Variants in DLC1 observed in about 807,000 individuals in gnomAD.
DLC1 encodes DLC1 Rho GTPase activating protein.
A neutral mutation model predicts 140.3 loss-of-function variants in DLC1; 54 were observed. The observed-to-expected ratio is 0.38, with a 90% confidence interval of 0.31 to 0.48. The LOEUF (loss-of-function observed/expected upper bound fraction) is 0.48. DLC1 is among the 20% of genes least tolerant of loss of function. The probability of loss-of-function intolerance (pLI) is 0.96; values close to 1 mark genes in which losing one functional copy is unlikely to be tolerated. For synonymous variants in DLC1, 986 were observed against 728.1 expected (o/e 1.35, Z -5.70); for missense variants, 2,536 against 1,907.0 (o/e 1.33, Z -6.14).
intron 5 of DLC1, among the ~76,000 whole-genome samples, chr8:13,216,491 C>A (rs1170803781): frequency 6.6e-6 from 1 of 152,176 alleles, no homozygotes; most frequent in African/African-American, 2.4e-5. Flanking sequence ...TTGCCACACT[C>A]CTCCCCAACT....
intron 2 of DLC1, among the ~76,000 whole-genome samples, chr8:13,468,274 T>A (rs62492258): frequency 0.26 from 39,140 of 151,296 alleles, 6,305 homozygotes; most frequent in Middle Eastern, 0.39. Flanking sequence ...ACCTTCTTAA[T>A]CTTTACTTCA....
chr8:13,496,804 T>C (rs1414179167), intron 2 of DLC1, among the ~76,000 whole-genome samples: 1 of 126,518 alleles, frequency 7.9e-6, no homozygotes, highest in Non-Finnish European at 1.6e-5. Flanking sequence ...TTTTTTTTTT[T>C]TTTTTTTTTT....
chr8:13,575,773 C>T (rs763921300), intron 1 of DLC1, among the ~76,000 whole-genome samples: 1 of 152,130 alleles, frequency 6.6e-6, no homozygotes, highest in East Asian at 1.9e-4. Context: ...TGTTTGAGAG[C>T]CCAGCATTGT....
chr8:13,186,616 A>C (rs1039020006), intron 5 of DLC1, among the ~76,000 whole-genome samples: 2 of 152,144 alleles, frequency 1.3e-5, no homozygotes, highest in Admixed American at 1.3e-4. Flanking sequence ...GCTCGGAGAA[A>C]TTTGTTATTA....
chr8:13,474,787 CT>C (rs1332723724), intron 2 of DLC1, among the ~76,000 whole-genome samples: 1 of 152,208 alleles, frequency 6.6e-6, no homozygotes, highest in Non-Finnish European at 1.5e-5. Flanking sequence ...CCTGTAGCCC[CT>C]TTGTTTTGGC....
chr8:13,103,874 A>T (rs1819325761), intron 7 of DLC1, among the ~76,000 whole-genome samples: 1 of 150,898 alleles, frequency 6.6e-6, no homozygotes, highest in South Asian at 2.1e-4. Flanking sequence ...GAAAGAAAAG[A>T]AAAGTTTGTG....
chr8:13,134,857 A>C (rs1475713255), intron 5 of DLC1, among the ~76,000 whole-genome samples: 1 of 152,200 alleles, frequency 6.6e-6, no homozygotes, highest in Non-Finnish European at 1.5e-5. Context: ...CCAAAGCAGA[A>C]TTCAGCTCTA....
rs527707808 is a variant in DLC1, at chr8:13,412,729, A to C, written c.1024-11110T>G. Among the ~76,000 whole-genome samples the C allele has an allele frequency of 1.3e-4, 20 of 152,012 alleles. No individual in the cohort carries two copies. In the South Asian group the frequency reaches 1.7e-3, roughly 13 times the overall value. On this transcript the variant is annotated intron_variant, in intron 2 of 17. Coordinates refer to ENST00000276297, the MANE Select transcript of DLC1 (RefSeq NM_182643.3). ...TGGGCGAATCACGAGGTCAGGAGAT[A>C]GAGACCTCCTGGCTAACACGGTGAA...
chr8:13,282,886 T>A (rs1211149588), intron 5 of DLC1, among the ~76,000 whole-genome samples: 1 of 152,204 alleles, frequency 6.6e-6, no homozygotes, highest in Admixed American at 6.5e-5. Flanking sequence ...AAGACTTCCT[T>A]CTGAGGAAAA....
intron 4 of DLC1, among the ~76,000 whole-genome samples, chr8:13,320,498 A>G (rs1395233857): frequency 6.6e-6 from 1 of 152,228 alleles, no homozygotes; most frequent in Non-Finnish European, 1.5e-5. Context: ...CAAGGATTAT[A>G]ATAGAGCAGG....
intron 1 of DLC1, among the ~76,000 whole-genome samples, chr8:13,544,679 T>A (rs1159709052): frequency 6.6e-6 from 1 of 152,182 alleles, no homozygotes. Context: ...AGAAATGTAG[T>A]CATTAAGAAT....
At chr8:13,202,151 G>A (rs974953819) in intron 5 of DLC1, among the ~76,000 whole-genome samples, 16 of 152,064 alleles carry the variant, frequency 1.1e-4, no homozygotes, top group East Asian at 7.8e-4. Context: ...TCACCATGTC[G>A]GCCAGGATGG....
chr8:13,188,844 T>TATATATATGTA (rs1491498157), intron 5 of DLC1, among the ~76,000 whole-genome samples: 3 of 25,818 alleles, frequency 1.2e-4, no homozygotes, highest in Non-Finnish European at 1.6e-4. Flanking sequence ...TATATATATA[T>TATATATATGTA]TTTTTTTTTT....
At chr8:13,593,161 C>T (rs1177629021) in intron 1 of DLC1, among the ~76,000 whole-genome samples, 1 of 152,090 alleles carries the variant, frequency 6.6e-6, no homozygotes, top group Non-Finnish European at 1.5e-5. Context: ...AGAGCCATCA[C>T]CCATTTTATT....
chr8:13,423,201 C>G (rs1308130591), intron 2 of DLC1, among the ~76,000 whole-genome samples: 2 of 152,254 alleles, frequency 1.3e-5, no homozygotes, highest in East Asian at 3.9e-4. Context: ...CACCATTTGT[C>G]TTTTCCAGGT....
At chr8:13,386,397 AT>A (rs1836521570) in intron 4 of DLC1, among the ~76,000 whole-genome samples, 1 of 152,196 alleles carries the variant, frequency 6.6e-6, no homozygotes, top group African/African-American at 2.4e-5. Context: ...TTTAAGTATC[AT>A]GTGTTCAGAG....
At chr8:13,537,642 C>G (rs542807384) in intron 1 of DLC1, among the ~76,000 whole-genome samples, 5 of 145,046 alleles carry the variant, frequency 3.4e-5, no homozygotes, top group African/African-American at 1.3e-4. Flanking sequence ...GTAACAACAG[C>G]TAACTCTTTT....
chr8:13,462,785 A>G (rs1032207131), intron 2 of DLC1, among the ~76,000 whole-genome samples: 9 of 152,150 alleles, frequency 5.9e-5, no homozygotes, highest in Admixed American at 2.6e-4. Flanking sequence ...CTTTTGGAAA[A>G]CAGAAGACAT....
At chr8:13,547,683 C>T (rs555367829) in intron 1 of DLC1, among the ~76,000 whole-genome samples, 1 of 152,164 alleles carries the variant, frequency 6.6e-6, no homozygotes, top group African/African-American at 2.4e-5. Context: ...ATCATTTTAT[C>T]TAGCTATTTG....
Sources: allele counts gnomAD v4.1 joint callset (sites outside exome capture counted in the v4.1 genomes callset), GRCh38; gene constraint gnomAD v4.1.1; transcripts MANE v1.5; gene names NCBI Gene and HGNC (gene_info 2026-07-23, HGNC 2026-07-21).